The following CCDC15 variants were observed in gnomAD, a reference collection of about 807,000 sequenced individuals.
The protein encoded by CCDC15 is coiled-coil domain containing 15.
In CCDC15, 105 loss-of-function variants were observed where a neutral mutation model predicts 114.5. The ratio of observed to expected loss-of-function variants is 0.92; its 90% CI spans 0.78 to 1.08. The LOEUF (loss-of-function observed/expected upper bound fraction) is 1.08, where lower values mean the gene tolerates loss of function less well. Among genes scored for constraint, CCDC15 ranks in the 50% least tolerant of loss-of-function variants. The probability of loss-of-function intolerance (pLI) is 0.00; values close to 1 mark genes in which losing one functional copy is unlikely to be tolerated. For missense variants in CCDC15, 1,105 were observed against 1,093.6 expected (o/e 1.01, Z -0.15); for synonymous variants, 334 against 377.8 (o/e 0.88, Z 1.34).
At chr11:125,025,702 CAT>C (rs775988584) in intron 13 of CCDC15, among the ~76,000 whole-genome samples, 31 of 151,920 alleles carry the variant, frequency 2.0e-4, no homozygotes, top group South Asian at 6.2e-4. Context: ...AATTAATTGA[CAT>C]ATTTATTAAT....
intron 13 of CCDC15, among the ~76,000 whole-genome samples, chr11:125,011,219 G>GTATTAT (rs1002023977): frequency 1.4e-5 from 2 of 140,426 alleles, no homozygotes; most frequent in Non-Finnish European, 3.0e-5. Context: ...TGTAATAGAA[G>GTATTAT]TATTATTATT....
At chr11:124,958,189 A>G (rs573540031) in intron 2 of CCDC15, among the ~76,000 whole-genome samples, 1 of 152,348 alleles carries the variant, frequency 6.6e-6, no homozygotes, top group South Asian at 2.1e-4. Context: ...TTATTATTCA[A>G]AGCACTTAGA....
intron 8 of CCDC15, among the ~76,000 whole-genome samples, chr11:124,988,410 TA>T (rs1380495407): frequency 1.3e-5 from 2 of 152,244 alleles, no homozygotes; most frequent in African/African-American, 4.8e-5. Flanking sequence ...ACTTTATTGC[TA>T]AAAAATGCTT....
At chr11:125,000,910 A>G (rs1948469459) in intron 11 of CCDC15, among the ~76,000 whole-genome samples, 2 of 152,194 alleles carry the variant, frequency 1.3e-5, no homozygotes, top group Non-Finnish European at 2.9e-5. Flanking sequence ...CAACTAATCA[A>G]TACATAACCT....
chr11:125,034,074 T>C lies in CCDC15; in HGVS notation c.2412-4357T>C, dbSNP rs139310439. On this transcript the variant is annotated intron_variant, in intron 13 of 15. Transcript: ENST00000344762. ...ATAGCTCCTGAGGAGAATCAACTTA[T>C]GTTGCCTGGCAACTGCCTCAGGGGA... Among the ~76,000 whole-genome samples the C allele has an allele frequency of 1.2e-3, 185 of 152,312 alleles. 1 individual carries two copies. Among genetic ancestry groups the C allele is most frequent in the South Asian group, 6.2e-3 (30 of 4,830 alleles).
intron 8 of CCDC15, 80 bp downstream of exon 8, chr11:124,988,214 G>A (rs1369654554): frequency 2.1e-6 from 3 of 1,403,180 alleles, no homozygotes; most frequent in East Asian, 2.3e-5. Context: ...AGGACTGCAA[G>A]TATACCTTGG....
chr11:124,976,071 G>T (rs1320665246), intron 5 of CCDC15, among the ~76,000 whole-genome samples: 1 of 151,506 alleles, frequency 6.6e-6, no homozygotes, highest in African/African-American at 2.4e-5. Flanking sequence ...TAGTAAAATA[G>T]ACCATTAATT....
At chr11:125,026,608 G>A (rs1001169160) in intron 13 of CCDC15, among the ~76,000 whole-genome samples, 1 of 152,180 alleles carries the variant, frequency 6.6e-6, no homozygotes, top group Admixed American at 6.5e-5. Context: ...GATTGGTGGA[G>A]GCTTCTATTT....
rs777191391 is a variant in CCDC15 at position 124,959,251 on chromosome 11, A to G, written c.314A>G (p.Lys105Arg). 1 of 1,577,594 alleles carries G rather than the reference A, an allele frequency of 6.3e-7. No homozygotes were observed. The highest frequency in any genetic ancestry group is 2.3e-5 in the East Asian group (1 of 44,266). ...TTGAGAAAAAAGCAACAGCTTCAGAAGTCTTATGAAAGAGTAAGTTCAAAA... is the reference window on the plus strand; with the variant it reads ...TTGAGAAAAAAGCAACAGCTTCAGAGGTCTTATGAAAGAGTAAGTTCAAAA... ...IRLRKKQQLQKSYERAQKEGS... is the reference protein window; with the variant it reads ...IRLRKKQQLQRSYERAQKEGS... The change falls in exon 3 of 16, where the codon AAG becomes AGG. Residue 105 changes from lysine (K) to arginine (R), a missense_variant. Coordinates refer to ENST00000344762, the MANE Select transcript of CCDC15 (RefSeq NM_025004.3).
At position 124,986,673 on chromosome 11, in the gene CCDC15, G is replaced by T. The variant is rs1948161129; in HGVS notation, c.754-69G>T. The T allele has an allele frequency of 1.3e-5, 17 of 1,307,536 alleles. 1 individual carries two copies. The highest frequency in any genetic ancestry group is 1.7e-5 in the Non-Finnish European group (17 of 973,130). 81.0% of individuals were successfully genotyped at this position (1,307,536 alleles called of 1,614,324 possible). ...CTATAATAGCTACATGGTGCTGTGT[G>T]TGTGTGTGTGTGTGTGTTTGTGTGT... On this transcript the variant is annotated intron_variant, in intron 6 of 15. Transcript: ENST00000344762.
Position 124,956,824 on chromosome 11 carries a change from G to A in CCDC15, c.177+1915G>A, listed in dbSNP as rs148472577. Among the ~76,000 whole-genome samples, 311 of 152,166 alleles carry A rather than the reference G, an allele frequency of 2.0e-3. 1 individual carries two copies. The highest frequency in any genetic ancestry group is 3.1e-3 in the Non-Finnish European group (213 of 68,018). On this transcript the variant is annotated intron_variant, in intron 2 of 15. Coordinates refer to ENST00000344762, the MANE Select transcript of CCDC15 (RefSeq NM_025004.3). Reference sequence around the variant, plus strand: ...AGTCTGGGTATCCACCCTTATTAACGGATATAGCTCTGTCAGCTCAAAATA... The same window carrying A: ...AGTCTGGGTATCCACCCTTATTAACAGATATAGCTCTGTCAGCTCAAAATA...
At position 124,994,694 on chromosome 11, in the gene CCDC15, G is replaced by A. The variant is rs1591597689; in HGVS notation, c.2214+1451G>A. The stretch of plus-strand genomic sequence containing the variant: ...ATAAACTAATCAGGTTTGGGCTGGA[G>A]CTTGTTAGGTTTCTGTTGCCTAAGG... On this transcript the variant is annotated intron_variant, in intron 11 of 15. Transcript: ENST00000344762. Among the ~76,000 whole-genome samples, 3 of 152,188 alleles carry A rather than the reference G, an allele frequency of 2.0e-5. No homozygotes were observed. The East Asian group carries it at 5.8e-4, about 29-fold the overall frequency.
At chr11:124,988,205 G>A in intron 8 of CCDC15, 71 bp downstream of exon 8, 1 of 1,455,710 alleles carries the variant, frequency 6.9e-7, no homozygotes, top group Non-Finnish European at 9.3e-7. Flanking sequence ...GGATTTGTAA[G>A]GACTGCAAGT....
chr11:125,024,999 CATATATATATGAAT>C (rs1454675025), intron 13 of CCDC15, among the ~76,000 whole-genome samples: 10 of 127,722 alleles, frequency 7.8e-5, no homozygotes, highest in Admixed American at 2.4e-4. Flanking sequence ...CTGTCAAATT[CATATATATATGAAT>C]ATATATATGA....
At chr11:124,972,596 A>G (rs995013948) in intron 4 of CCDC15, among the ~76,000 whole-genome samples, 11 of 152,168 alleles carry the variant, frequency 7.2e-5, no homozygotes, top group Non-Finnish European at 1.6e-4. Flanking sequence ...CCTCAAAGTT[A>G]ATAACTTAAA....
intron 6 of CCDC15, among the ~76,000 whole-genome samples, chr11:124,979,968 AG>A (rs1425621661): frequency 6.6e-6 from 1 of 151,932 alleles, no homozygotes; most frequent in African/African-American, 2.4e-5. Flanking sequence ...TCGTTTGTTG[AG>A]GGTTTTTAAC....
intron 13 of CCDC15, among the ~76,000 whole-genome samples, chr11:125,022,440 G>C (rs1202100716): frequency 6.6e-6 from 1 of 151,902 alleles, no homozygotes; most frequent in Admixed American, 6.6e-5. Context: ...AAGAAAGACT[G>C]GTAAATATGG....
rs1207520661 is a variant in CCDC15 at position 124,988,058 on chromosome 11, G to T, written c.1832G>T (p.Arg611Ile). ...PICQDRDFLPRDLHVLSNDQN... is the reference protein window; with the variant it reads ...PICQDRDFLPIDLHVLSNDQN... ...TGTCAGGACCGGGATTTTCTACCCA[G>T]AGACCTGCATGTTCTCTCCAACGAC... The change falls in exon 8 of 16, where the codon AGA becomes ATA. Residue 611 changes from arginine to isoleucine, a missense_variant. Coordinates refer to ENST00000344762, the MANE Select transcript of CCDC15 (RefSeq NM_025004.3). 1.9e-6 allele frequency: 3 copies of T among 1,613,942 alleles called. No individual in the cohort carries two copies. The highest frequency in any genetic ancestry group is 2.5e-6 in the Non-Finnish European group (3 of 1,179,888).
At chr11:124,993,854 C>G (rs978973669) in intron 11 of CCDC15, among the ~76,000 whole-genome samples, 24 of 152,076 alleles carry the variant, frequency 1.6e-4, no homozygotes, top group African/African-American at 5.6e-4. Context: ...GAACACTTAC[C>G]ACAGCCAAAA....
Sources: gnomAD v4.1 joint callset for allele counts (sites outside exome capture counted in the v4.1 genomes callset) on GRCh38, gnomAD v4.1.1 for gene constraint, MANE v1.5 for transcripts, NCBI Gene and HGNC (gene_info 2026-07-23, HGNC 2026-07-21) for gene names.